Variants in CAMK4 observed in about 807,000 individuals in gnomAD.
CAMK4 encodes calcium/calmodulin-dependent protein kinase type IV.
CAMK4 carries 22 observed loss-of-function variants against 44.9 expected under a neutral mutation model. The observed-to-expected ratio is 0.49, with a 90% CI of 0.35 to 0.70. The LOEUF is 0.70. Among genes scored for constraint, CAMK4 ranks in the 30% least tolerant of loss-of-function variants. The probability of loss-of-function intolerance (pLI) is 0.01; values close to 1 mark genes in which losing one functional copy is unlikely to be tolerated. For missense variants in CAMK4, 498 were observed against 586.8 expected (o/e 0.85, Z 1.56); for synonymous variants, 218 against 215.4 (o/e 1.01, Z -0.11).
chr5:111,353,312 T>C (rs547655440), intron 2 of CAMK4, among the ~76,000 whole-genome samples: 1 of 152,082 alleles, frequency 6.6e-6, no homozygotes, highest in Non-Finnish European at 1.5e-5. Context: ...ACCACCGAGA[T>C]AGTAAATACA....
intron 5 of CAMK4, among the ~76,000 whole-genome samples, chr5:111,408,967 G>A (rs189378004): frequency 2.0e-5 from 3 of 152,328 alleles, no homozygotes; most frequent in Non-Finnish European, 2.9e-5. Flanking sequence ...CTCTGCCTCT[G>A]TGGCTTTTCA....
intron 1 of CAMK4, among the ~76,000 whole-genome samples, chr5:111,293,999 G>A (rs943225329): frequency 6.6e-6 from 1 of 151,614 alleles, no homozygotes; most frequent in African/African-American, 2.4e-5. Flanking sequence ...CGCCTGCCTC[G>A]GCCTCCCAAA....
chr5:111,308,663 C>G (rs1332201201), intron 1 of CAMK4, among the ~76,000 whole-genome samples: 1 of 152,140 alleles, frequency 6.6e-6, no homozygotes, highest in Non-Finnish European at 1.5e-5. Flanking sequence ...CAGTTTGACT[C>G]AGATTTCAGG....
chr5:111,479,836 C>T (rs1323923310), intron 9 of CAMK4, among the ~76,000 whole-genome samples: 1 of 152,012 alleles, frequency 6.6e-6, no homozygotes, highest in East Asian at 1.9e-4. Flanking sequence ...CAAGTCATAC[C>T]CCATGCTCCT....
chr5:111,455,849 T>C (rs1027619200), intron 7 of CAMK4, among the ~76,000 whole-genome samples: 8 of 152,212 alleles, frequency 5.3e-5, no homozygotes, highest in African/African-American at 1.2e-4. Flanking sequence ...AATATGTTAG[T>C]GAAACCCTCT....
At chr5:111,236,858 A>T (rs1406769471) in intron 1 of CAMK4, among the ~76,000 whole-genome samples, 1 of 152,212 alleles carries the variant, frequency 6.6e-6, no homozygotes, top group Non-Finnish European at 1.5e-5. Flanking sequence ...CCCATCCCTC[A>T]GCCTAATGCC....
At chr5:111,360,398 C>T (rs1331095701) in intron 2 of CAMK4, among the ~76,000 whole-genome samples, 3 of 152,060 alleles carry the variant, frequency 2.0e-5, no homozygotes, top group Middle Eastern at 3.2e-3. Flanking sequence ...AGGAAATCTA[C>T]AGCTACAGAT....
intron 1 of CAMK4, among the ~76,000 whole-genome samples, chr5:111,320,241 G>T (rs1748602988): frequency 6.6e-6 from 1 of 152,126 alleles, no homozygotes; most frequent in African/African-American, 2.4e-5. Flanking sequence ...ATGACATGCT[G>T]AGGAAACTGG....
At chr5:111,389,143 G>A (rs953991116) in intron 4 of CAMK4, among the ~76,000 whole-genome samples, 4 of 152,168 alleles carry the variant, frequency 2.6e-5, no homozygotes, top group Admixed American at 2.6e-4. Flanking sequence ...CTGCTGAGGG[G>A]CTGCTTTTTG....
chr5:111,443,279 T>TATATAC (rs1401315422), intron 5 of CAMK4, among the ~76,000 whole-genome samples: 227 of 37,442 alleles, frequency 6.1e-3, no homozygotes, highest in Non-Finnish European at 9.7e-3. Flanking sequence ...TATATATATA[T>TATATAC]ACACACACAC....
At chr5:111,452,610 T>C (rs1754275841) in intron 7 of CAMK4, among the ~76,000 whole-genome samples, 1 of 152,250 alleles carries the variant, frequency 6.6e-6, no homozygotes, top group African/African-American at 2.4e-5. Context: ...TAAATCTATC[T>C]ACTTTTTTAA....
At chr5:111,379,599 A>G (rs997162035) in intron 4 of CAMK4, among the ~76,000 whole-genome samples, 3 of 152,118 alleles carry the variant, frequency 2.0e-5, no homozygotes, top group African/African-American at 7.2e-5. Context: ...ATTCTGCATT[A>G]TTATCCAATG....
intron 1 of CAMK4, among the ~76,000 whole-genome samples, chr5:111,331,986 A>G (rs1246722347): frequency 2.0e-5 from 3 of 151,722 alleles, no homozygotes; most frequent in Non-Finnish European, 2.9e-5. Flanking sequence ...ACTTGATGAA[A>G]TCTAACTCCG....
chr5:111,393,984 G>C (rs1461265305), intron 4 of CAMK4, among the ~76,000 whole-genome samples: 1 of 151,558 alleles, frequency 6.6e-6, no homozygotes, highest in East Asian at 1.9e-4. Flanking sequence ...ATGGAGAAGG[G>C]ATGAAAGGGA....
intron 2 of CAMK4, 55 bp downstream of exon 2, chr5:111,344,157 G>T (rs1749766536): frequency 1.9e-6 from 2 of 1,034,656 alleles, no homozygotes; most frequent in South Asian, 2.6e-5. Context: ...CCTGGAGAAG[G>T]CAGGAACCTG....
chr5:111,439,107 A>G (rs1461811532), intron 5 of CAMK4, among the ~76,000 whole-genome samples: 1 of 152,094 alleles, frequency 6.6e-6, no homozygotes, highest in Non-Finnish European at 1.5e-5. Flanking sequence ...CTTTTAGGGT[A>G]TCTTCCTCGC....
At chr5:111,425,815 T>G (rs1454298193) in intron 5 of CAMK4, among the ~76,000 whole-genome samples, 1 of 152,200 alleles carries the variant, frequency 6.6e-6, no homozygotes, top group Admixed American at 6.5e-5. Context: ...GGTTTTAATA[T>G]TACATTTCTA....
chr5:111,320,742 G>A (rs879865415), intron 1 of CAMK4, among the ~76,000 whole-genome samples: 2 of 152,156 alleles, frequency 1.3e-5, no homozygotes, highest in Admixed American at 1.3e-4. Context: ...CTGACCTCAG[G>A]TGATCCACCC....
chr5:111,359,695 C>A (rs1750515494), intron 2 of CAMK4, among the ~76,000 whole-genome samples: 1 of 152,038 alleles, frequency 6.6e-6, no homozygotes. Flanking sequence ...AGGTTGTCTT[C>A]CAGAGTTTTT....
Sources: gnomAD v4.1 joint callset for allele counts (sites outside exome capture counted in the v4.1 genomes callset) on GRCh38, gnomAD v4.1.1 for gene constraint, MANE v1.5 for transcripts, NCBI Gene and HGNC (gene_info 2026-07-23, HGNC 2026-07-21) for gene names.